Variants in RTCB observed in about 807,000 individuals in gnomAD.
The protein encoded by RTCB is RNA-splicing ligase RTCB.
Under a neutral mutation model 58.2 loss-of-function variants are expected in RTCB, and 32 were observed. The observed-to-expected ratio is 0.55, with a 90% CI of 0.41 to 0.74. RTCB has a LOEUF of 0.74. RTCB is among the 30% of genes least tolerant of loss of function. The pLI is 0.00. For missense variants in RTCB, 523 were observed against 639.0 expected, an observed-to-expected ratio of 0.82 and a Z score of 1.96; for synonymous variants, 247 against 218.6, an observed-to-expected ratio of 1.13 and a Z score of -1.15.
chr22:32,405,833 T>C (rs1933409358), intron 4 of RTCB, among the ~76,000 whole-genome samples: 1 of 152,212 alleles, frequency 6.6e-6, no homozygotes, highest in Non-Finnish European at 1.5e-5. Context: ...TTCACACTCT[T>C]TAACAGCAAA....
chr22:32,409,521 G>C (rs1012343359), intron 1 of RTCB, among the ~76,000 whole-genome samples: 1 of 150,438 alleles, frequency 6.6e-6, no homozygotes, highest in Admixed American at 6.6e-5. Flanking sequence ...TTTATCACAG[G>C]TCAAATATTG....
chr22:32,391,686 C>T (rs533663996), intron 11 of RTCB, among the ~76,000 whole-genome samples: 92 of 152,220 alleles, frequency 6.0e-4, no homozygotes, highest in African/African-American at 8.7e-4. Context: ...CCACCACGCC[C>T]GGCCGACAAT....
intron 8 of RTCB, 147 bp from the exon 9 acceptor site, chr22:32,395,361 C>T (rs1601425592): frequency 9.3e-6 from 6 of 643,562 alleles, no homozygotes; most frequent in South Asian, 6.9e-5. Context: ...ATTATCTTCA[C>T]GTAAAGGACA....
chr22:32,405,137 T>C (rs1467131920), intron 4 of RTCB, among the ~76,000 whole-genome samples: 2 of 152,220 alleles, frequency 1.3e-5, no homozygotes, highest in East Asian at 3.8e-4. Context: ...ATTTTATTCA[T>C]ATTCTCCCAT....
At chr22:32,404,763 C>T (rs1933392711) in intron 4 of RTCB, among the ~76,000 whole-genome samples, 1 of 152,206 alleles carries the variant, frequency 6.6e-6, no homozygotes, top group Non-Finnish European at 1.5e-5. Context: ...ACGGCAACCT[C>T]TGCCTCCTAG....
intron 3 of RTCB, chr22:32,407,830 A>G (rs1197930575): frequency 2.9e-5 from 6 of 205,774 alleles, no homozygotes; most frequent in Non-Finnish European, 5.9e-5. Flanking sequence ...TGGCGTGATC[A>G]TGGCTCAGTG....
chr22:32,406,527 T>C (rs1933424108), intron 4 of RTCB, 135 bp downstream of exon 4: 1 of 539,346 alleles, frequency 1.9e-6, no homozygotes, highest in Admixed American at 2.8e-5. Context: ...TTCACCATGT[T>C]GGCCAAGATG....
At position 32,387,807 on chromosome 22, in the gene RTCB, A is replaced by G. The variant is rs764625495; in HGVS notation, c.*185T>C. On this transcript the variant is annotated 3_prime_UTR_variant, in exon 12 of 12. Transcript: ENST00000216038. Reference sequence around the variant, plus strand: ...AGGTGGGCAATGTGCCTCTTCCTGGAAGGTTATTTTACAAGCACGGGCCCC... The same window carrying G: ...AGGTGGGCAATGTGCCTCTTCCTGGGAGGTTATTTTACAAGCACGGGCCCC... 1 of 538,898 alleles carries G rather than the reference A, an allele frequency of 1.9e-6. No individual in the cohort carries two copies. The highest frequency in any genetic ancestry group is 3.3e-6 in the Non-Finnish European group (1 of 299,812). The allele number at this position is 538,898 out of a possible 1,614,324, so 33.4% of individuals were successfully genotyped here.
intron 1 of RTCB, 66 bp downstream of exon 1, chr22:32,411,998 G>T: frequency 8.0e-7 from 1 of 1,247,428 alleles, no homozygotes; most frequent in Non-Finnish European, 1.1e-6. Context: ...TCCAGAGGGC[G>T]CAGTGGACGC....
intron 7 of RTCB, among the ~76,000 whole-genome samples, chr22:32,396,850 C>T (rs1168675662): frequency 1.3e-5 from 2 of 152,154 alleles, no homozygotes; most frequent in Non-Finnish European, 2.9e-5. Context: ...GAATGAGGGT[C>T]GTGAACAACT....
chr22:32,398,213 T>A, intron 6 of RTCB, 113 bp from the exon 7 acceptor site: 2 of 1,207,416 alleles, frequency 1.7e-6, no homozygotes, highest in Non-Finnish European at 2.3e-6. Flanking sequence ...ATACAAATAG[T>A]GTTTCAGTAA....
chr22:32,391,423 T>C (rs1351120160), intron 11 of RTCB, among the ~76,000 whole-genome samples: 1 of 145,652 alleles, frequency 6.9e-6, no homozygotes. Flanking sequence ...TGAGACGGAG[T>C]CTTACTTTGT....
chr22:32,401,952 C>T (rs1343957265), intron 4 of RTCB, 49 bp from the exon 5 acceptor site: 3 of 1,579,782 alleles, frequency 1.9e-6, no homozygotes, highest in Non-Finnish European at 2.6e-6. Flanking sequence ...GGCACTGTTA[C>T]CTGCAGTTTC....
chr22:32,389,228 T>C (rs1202226821), intron 11 of RTCB, among the ~76,000 whole-genome samples: 1 of 152,214 alleles, frequency 6.6e-6, no homozygotes, highest in African/African-American at 2.4e-5. Flanking sequence ...ACTGGGCCAA[T>C]GACTGTCTCT....
chr22:32,408,856 G>C, intron 1 of RTCB, 23 bp from the exon 2 acceptor site: 1 of 1,567,568 alleles, frequency 6.4e-7, no homozygotes, highest in Non-Finnish European at 8.8e-7. Context: ...AAAGTGAAAA[G>C]CAATGTCTGA....
At chr22:32,389,594 T>G (rs1355259582) in intron 11 of RTCB, among the ~76,000 whole-genome samples, 2 of 151,790 alleles carry the variant, frequency 1.3e-5, no homozygotes, top group Non-Finnish European at 2.9e-5. Context: ...ATTACAGGTG[T>G]GAGCCACTGT....
At chr22:32,398,207 A>C (rs1933277803) in intron 6 of RTCB, 107 bp from the exon 7 acceptor site, 2 of 1,272,258 alleles carry the variant, frequency 1.6e-6, no homozygotes, top group Admixed American at 2.4e-5. Context: ...ATAAACATAC[A>C]AATAGTGTTT....
rs1243899200 is a variant in RTCB at position 32,388,014 on chromosome 22, G to C, written c.1496C>G (p.Pro499Arg). Residue 499 changes from proline (P) to arginine (R), a missense_variant, in exon 12 of 12, where the codon CCA becomes CGA. By Grantham distance (103) the Pro-to-Arg change is moderately radical. Transcript: ENST00000216038. ...GISKKAIKLR[P>R]IAVIKG ...GTTCTATCCTTTGATCACAGCAATT[G>C]GTCTCAGTTTAATGGCTTTCTTGCT... 6.2e-7 allele frequency: 1 copy of C among 1,612,908 alleles called. No homozygotes were observed. The highest frequency in any genetic ancestry group is 8.5e-7 in the Non-Finnish European group (1 of 1,178,924).
At position 32,395,172 on chromosome 22, in the gene RTCB, G is replaced by T. The variant is rs912443635; in HGVS notation, c.1033C>A (p.Leu345Ile). 3 of 1,614,178 alleles carry T rather than the reference G, an allele frequency of 1.9e-6. No individual in the cohort carries two copies. The East Asian group carries it at 6.7e-5, about 36-fold the overall frequency. ...VFNTTPDDLDLHVIYDVSHNI... is the reference protein window; with the variant it reads ...VFNTTPDDLDIHVIYDVSHNI... Reference sequence around the variant, plus strand: ...TGAGAAACATCATAGATCACATGTAGGTCCAAGTCATCAGGGGTTGTGTTG... The same window carrying T: ...TGAGAAACATCATAGATCACATGTATGTCCAAGTCATCAGGGGTTGTGTTG... Residue 345 changes from leucine (L) to isoleucine (I), a missense_variant, in exon 9 of 12, where the codon CTA becomes ATA. Around this residue, in one of 3 missense-constraint regions of RTCB, gnomAD observed 248 missense variants for 292.5 expected, o/e 0.85. Transcript: ENST00000216038.
Sources: gnomAD v4.1 joint callset for allele counts (sites outside exome capture counted in the v4.1 genomes callset) on GRCh38, gnomAD v4.1.1 for gene constraint, gnomAD v4.1.1 regional missense constraint, MANE v1.5 for transcripts, NCBI Gene and HGNC (gene_info 2026-07-23, HGNC 2026-07-21) for gene names.